Variants in ABCA6 observed in about 807,000 individuals in gnomAD.
ABCA6 encodes the protein ATP binding cassette subfamily A member 6.
Under a neutral mutation model 191.2 loss-of-function variants are expected in ABCA6, and 164 were observed. The observed-to-expected ratio is 0.86, with a 90% CI of 0.76 to 0.98. The LOEUF is 0.98. ABCA6 is among the 50% of genes least tolerant of loss of function. The probability of loss-of-function intolerance (pLI) is 0.00; values close to 1 mark genes in which losing one functional copy is unlikely to be tolerated. For missense variants in ABCA6, 1,958 were observed against 1,894.1 expected (o/e 1.03, Z -0.63); for synonymous variants, 636 against 647.7 (o/e 0.98, Z 0.27).
At chr17:69,105,657 A>T (rs2073284357) in intron 19 of ABCA6, 29 bp from the exon 20 acceptor site, 2 of 1,392,940 alleles carry the variant, frequency 1.4e-6, no homozygotes, top group Non-Finnish European at 2.0e-6. Context: ...TTAGCATATT[A>T]ATCTCCAGGA....
chr17:69,085,519 C>CAAAAAAAAAAAAAAAAAGAA (rs35438104), intron 31 of ABCA6, 106 bp downstream of exon 31: 1 of 438,132 alleles, frequency 2.3e-6, no homozygotes, highest in Admixed American at 5.6e-5. Context: ...TATCCAAAGG[C>CAAAAAAAAAAAAAAAAAGAA]AAAAAAAAAA....
intron 15 of ABCA6, 68 bp from the exon 16 acceptor site, chr17:69,112,341 C>T (rs556401160): frequency 5.6e-5 from 71 of 1,266,116 alleles, no homozygotes; most frequent in Middle Eastern, 1.9e-4. Context: ...TAAAGAAAGA[C>T]GAGGAGCCAA....
In ABCA6 at chr17:69,083,059, T is replaced by G. The variant is rs2072681331; in HGVS notation, c.4476-46A>C. The G allele has an allele frequency of 2.5e-6, 4 of 1,600,766 alleles. No homozygotes were observed. In the East Asian group the frequency reaches 9.0e-5, roughly 36 times the overall value. On this transcript the variant is annotated intron_variant, in intron 35 of 38. Transcript: ENST00000284425. ...ATGTTGGAAAAAATATTGCCCTTAA[T>G]TTTTTAATGTTATTCTTAAATTTCA... is the stretch of plus-strand genomic sequence containing the variant.
Position 69,084,251 on chromosome 17 carries a change from T to C in ABCA6, c.4355+10A>G. 1 of 1,613,740 alleles carries C rather than the reference T, an allele frequency of 6.2e-7. No homozygotes were observed. Among genetic ancestry groups the C allele is most frequent in the South Asian group, 1.1e-5 (1 of 91,082 alleles). On this transcript the variant is annotated intron_variant, in intron 34 of 38. Coordinates refer to ENST00000284425, the MANE Select transcript of ABCA6 (RefSeq NM_080284.3). ...GCATGCTCGCAGCTCTGGGGTATAATGATGCTCACCACATTTGCTGCTGCC... is the reference window on the plus strand; with the variant it reads ...GCATGCTCGCAGCTCTGGGGTATAACGATGCTCACCACATTTGCTGCTGCC...
chr17:69,123,320 T>G lies in ABCA6; in HGVS notation c.1355A>C (p.Glu452Ala). The G allele has an allele frequency of 1.3e-6, 2 of 1,578,238 alleles. No homozygotes were observed. The highest frequency in any genetic ancestry group is 1.7e-6 in the Non-Finnish European group (2 of 1,157,626). Reference sequence around the variant, plus strand: ...GGGATGCTCAGCATCGATTTCTTTCTCAATAACCTTAGCATTAGTCCTTTG... The same window carrying G: ...GGGATGCTCAGCATCGATTTCTTTCGCAATAACCTTAGCATTAGTCCTTTG... Reference protein sequence around the residue: ...QHQRTNAKVIEKEIDAEHPSD... With the variant: ...QHQRTNAKVIAKEIDAEHPSD... The change falls in exon 10 of 39, where the codon GAG becomes GCG. Residue 452 changes from glutamate to alanine, a missense_variant. By Grantham distance (107) the Glu-to-Ala change is moderately radical (BLOSUM62 -1). Transcript: ENST00000284425.
intron 37 of ABCA6, among the ~76,000 whole-genome samples, chr17:69,080,561 A>C (rs1273997665): frequency 6.6e-6 from 1 of 152,182 alleles, no homozygotes; most frequent in South Asian, 2.1e-4. Flanking sequence ...CTATCATTCA[A>C]ATAGGAAGGC....
chr17:69,081,902 G>A (rs563367634), intron 36 of ABCA6, among the ~76,000 whole-genome samples: 28 of 152,298 alleles, frequency 1.8e-4, no homozygotes, highest in African/African-American at 5.8e-4. Context: ...GACCTCTAAG[G>A]AAGAGACGTA....
chr17:69,133,152 T>C (rs1208540095), intron 6 of ABCA6, among the ~76,000 whole-genome samples: 1 of 152,204 alleles, frequency 6.6e-6, no homozygotes, highest in African/African-American at 2.4e-5. Flanking sequence ...ATATAGTATT[T>C]ACTTGCTCCA....
In ABCA6 at chr17:69,079,224, A is replaced by G. The variant is rs2072567347; in HGVS notation, c.4738T>C (p.Cys1580Arg). The part of the protein sequence containing the change: ...FNLEEYSLSQ[C>R]TLEKVFLELS... ...ACTTGACTTACCTTCTCCAGTGTGC[A>G]CTGAGAAAGGCTGTATTCTTCCAGG... is the stretch of plus-strand genomic sequence containing the variant. The change falls in exon 38 of 39, where the codon TGC becomes CGC. Residue 1580 changes from cysteine to arginine, a missense_variant. Coordinates refer to ENST00000284425, the MANE Select transcript of ABCA6 (RefSeq NM_080284.3). 1 of 1,609,670 alleles carries G rather than the reference A, an allele frequency of 6.2e-7. No homozygotes were observed. The highest frequency in any genetic ancestry group is 2.2e-5 in the East Asian group (1 of 44,724).
In ABCA6 at chr17:69,085,051, C is replaced by T. The variant is rs760791622; in HGVS notation, c.4161G>A (p.Ala1387=). ...ACCTTGCGATGGCGAGCCTCGCGTCCGCTTTCCTGAGCCCCTTGACGGCAG... is the reference window on the plus strand; with the variant it reads ...ACCTTGCGATGGCGAGCCTCGCGTCTGCTTTCCTGAGCCCCTTGACGGCAG... ...VYAAVKGLRK[A]DARLAIARLV... is the part of the protein sequence containing the mutation. The change falls in exon 32 of 39, where the codon GCG becomes GCA. Residue 1387 remains alanine (A), a synonymous_variant. Transcript: ENST00000284425. The T allele has an allele frequency of 1.1e-4, 175 of 1,610,920 alleles. 2 individuals are homozygous for T. Among genetic ancestry groups the T allele is most frequent in the Middle Eastern group, 1.6e-4 (1 of 6,078 alleles).
chr17:69,098,947 T>G (rs994927614), intron 22 of ABCA6, among the ~76,000 whole-genome samples: 4 of 152,214 alleles, frequency 2.6e-5, no homozygotes, highest in African/African-American at 9.6e-5. Context: ...TTTTATATCA[T>G]GTATTATTAC....
chr17:69,084,947 G>A, intron 32 of ABCA6, 81 bp downstream of exon 32: 6 of 1,473,774 alleles, frequency 4.1e-6, no homozygotes, highest in Admixed American at 2.6e-5. Flanking sequence ...ATTGACTCTC[G>A]GTTCTTTATT....
At chr17:69,089,324 G>A in intron 27 of ABCA6, 141 bp downstream of exon 27, 1 of 719,442 alleles carries the variant, frequency 1.4e-6, no homozygotes, top group East Asian at 2.6e-5. Flanking sequence ...CTAAGGTTTA[G>A]AAACATGTCT....
intron 35 of ABCA6, 51 bp from the exon 36 acceptor site, chr17:69,083,064 T>G: frequency 1.2e-6 from 2 of 1,600,656 alleles, no homozygotes; most frequent in Non-Finnish European, 1.7e-6. Flanking sequence ...CTTAATTTTT[T>G]AATGTTATTC....
intron 35 of ABCA6, 77 bp downstream of exon 35, chr17:69,083,135 C>A: frequency 6.4e-7 from 1 of 1,564,108 alleles, no homozygotes; most frequent in Middle Eastern, 1.7e-4. Context: ...GGGCTCCAGC[C>A]ACACACAGGG....
chr17:69,088,115 T>C, intron 28 of ABCA6, 52 bp downstream of exon 28: 1 of 1,445,532 alleles, frequency 6.9e-7, no homozygotes, highest in South Asian at 1.2e-5. Flanking sequence ...ACAGACACCA[T>C]CTAGGAATGT....
chr17:69,089,738 G>A (rs1285938995), intron 26 of ABCA6, among the ~76,000 whole-genome samples, 196 bp from the exon 27 acceptor site: 1 of 152,142 alleles, frequency 6.6e-6, no homozygotes, highest in African/African-American at 2.4e-5. Flanking sequence ...CAATAAGCAA[G>A]TAACCTATGT....
intron 34 of ABCA6, among the ~76,000 whole-genome samples, chr17:69,083,627 G>A (rs772916937): frequency 4.6e-5 from 7 of 152,128 alleles, no homozygotes; most frequent in Admixed American, 1.3e-4. Context: ...AGTGGGTGGA[G>A]ATATAGATCA....
At chr17:69,080,332 C>T (rs565754506) in intron 37 of ABCA6, among the ~76,000 whole-genome samples, 2 of 152,174 alleles carry the variant, frequency 1.3e-5, no homozygotes, top group African/African-American at 2.4e-5. Context: ...CCTCACCCAA[C>T]GTCACCCAGC....
Sources: gnomAD v4.1 joint callset for allele counts (sites outside exome capture counted in the v4.1 genomes callset) on GRCh38, gnomAD v4.1.1 for gene constraint, MANE v1.5 for transcripts, NCBI Gene and HGNC (gene_info 2026-07-23, HGNC 2026-07-21) for gene names.